Variants in CDCA5 observed in about 807,000 individuals in gnomAD.
CDCA5 encodes sororin.
In CDCA5, 14 loss-of-function variants were observed where a neutral mutation model predicts 25.7. The ratio of observed to expected loss-of-function variants is 0.54; its 90% CI spans 0.36 to 0.85. The LOEUF is 0.85. CDCA5 is among the 40% of genes least tolerant of loss of function. The pLI, the probability that CDCA5 is intolerant of heterozygous loss-of-function variation, is 0.01. For synonymous variants in CDCA5, 127 were observed against 128.7 expected (o/e 0.99, Z 0.09); for missense variants, 307 against 324.5 (o/e 0.95, Z 0.41).
In CDCA5 at chr11:65,083,495, T is replaced by C; in HGVS notation, c.197A>G (p.His66Arg). Residue 66 changes from histidine to arginine, a missense_variant, in exon 3 of 6, where the codon CAT (histidine) becomes CGT (arginine). By Grantham distance (29) the His-to-Arg change is conservative. Coordinates refer to ENST00000275517, the MANE Select transcript of CDCA5 (RefSeq NM_080668.4). Reference sequence around the variant, plus strand: ...CTCCTTAGCCTTTACCTCTACAGCATGGGCCACGATCCTCTTTAAGACGAT... The same window carrying C: ...CTCCTTAGCCTTTACCTCTACAGCACGGGCCACGATCCTCTTTAAGACGAT... ...KPIVLKRIVA[H>R]AVEVPAVQSP... The C allele has an allele frequency of 6.2e-7, 1 of 1,614,236 alleles. No homozygotes were observed. The highest frequency in any genetic ancestry group is 8.5e-7 in the Non-Finnish European group (1 of 1,180,028).
chr11:65,082,061 C>T lies in CDCA5; in HGVS notation c.243+1303G>A, dbSNP rs553064532. Among the ~76,000 whole-genome samples, 4 of 152,324 alleles carry T rather than the reference C, an allele frequency of 2.6e-5. No homozygotes were observed. In the South Asian group the frequency reaches 8.3e-4, roughly 32 times the overall value. On this transcript the variant is annotated intron_variant, in intron 4 of 5. Coordinates refer to ENST00000275517, the MANE Select transcript of CDCA5 (RefSeq NM_080668.4). Reference sequence around the variant, plus strand: ...GGGGCAATTCCCTCTGAACCCAGTACTGTATATCATCCTGGCTTTAGCTCA... The same window carrying T: ...GGGGCAATTCCCTCTGAACCCAGTATTGTATATCATCCTGGCTTTAGCTCA...
chr11:65,067,967 G>A lies in CDCA5; in HGVS notation c.269+60C>T, dbSNP rs1447813788. The A allele has an allele frequency of 3.0e-5, 34 of 1,137,348 alleles. No individual in the cohort carries two copies. The South Asian group carries it at 4.2e-4, about 14-fold the overall frequency. 70.5% of individuals were successfully genotyped at this position (1,137,348 alleles called of 1,614,324 possible). A position where few individuals can be genotyped will look rare whatever the true frequency, so the allele number is the denominator to read the frequency against. On this transcript the variant is annotated intron_variant, in intron 3 of 6. Transcript: ENST00000525464. ...CCATCCACCTCCCCCAGTTTTGTGCGTGCCTGCATGTGCCTGCATGGGCAC... is the reference window on the plus strand; with the variant it reads ...CCATCCACCTCCCCCAGTTTTGTGCATGCCTGCATGTGCCTGCATGGGCAC...
chr11:65,079,503 GTCT>G lies in CDCA5; in HGVS notation c.525_527del (p.Glu175del), dbSNP rs779028947. The G allele has an allele frequency of 1.9e-6, 3 of 1,614,164 alleles. No individual in the cohort carries two copies. The South Asian group carries it at 3.3e-5, about 18-fold the overall frequency. On this transcript the variant is annotated inframe_deletion, in exon 5 of 6. Coordinates refer to ENST00000275517, the MANE Select transcript of CDCA5 (RefSeq NM_080668.4). ...ACACCACTGGCGAGACTCCGGACAA[GTCT>G]TCTGCCCCCAGCAGCCCCTCGAAGC...
chr11:65,075,525 T>C (rs1484701810), downstream of CDCA5, among the ~76,000 whole-genome samples: 2 of 145,176 alleles, frequency 1.4e-5, no homozygotes, highest in Admixed American at 1.5e-4. Context: ...CACAGGAGGC[T>C]AGTGCAATTG....
chr11:65,082,863 C>G (rs1947601472), intron 4 of CDCA5, among the ~76,000 whole-genome samples: 1 of 151,950 alleles, frequency 6.6e-6, no homozygotes, highest in Non-Finnish European at 1.5e-5. Context: ...TCTAGTATTC[C>G]TTATTGCAGT....
chr11:65,079,891 C>A, intron 4 of CDCA5, 104 bp from the exon 5 acceptor site: 1 of 544,818 alleles, frequency 1.8e-6, no homozygotes, highest in Non-Finnish European at 2.8e-6. Context: ...AGGACACACA[C>A]TTTTTTTTTT....
Position 65,083,349 on chromosome 11 carries a change from T to C in CDCA5, c.243+15A>G. 1.2e-6 allele frequency: 2 copies of C among 1,614,032 alleles called. No homozygotes were observed. The highest frequency in any genetic ancestry group is 2.2e-5 in the South Asian group (2 of 91,078). The stretch of plus-strand genomic sequence containing the variant: ...CCCAGATTCTACTTAATTAAGTAGA[T>C]GAAAGTGAACTCACCCTAGGGCTCC... On this transcript the variant is annotated intron_variant, in intron 4 of 5. Coordinates refer to ENST00000275517, the MANE Select transcript of CDCA5 (RefSeq NM_080668.4).
chr11:65,077,139 T>G (rs1406595617), downstream of CDCA5, among the ~76,000 whole-genome samples: 1 of 152,020 alleles, frequency 6.6e-6, no homozygotes, highest in African/African-American at 2.4e-5. Context: ...ATATAAAAAT[T>G]AGCCAGGCGT....
chr11:65,069,671 A>G (rs1283310014), intron 1 of CDCA5, among the ~76,000 whole-genome samples: 1 of 152,194 alleles, frequency 6.6e-6, no homozygotes, highest in Non-Finnish European at 1.5e-5. Flanking sequence ...AAACAACTCC[A>G]AATAAAAGTA....
downstream of CDCA5, among the ~76,000 whole-genome samples, chr11:65,062,995 A>G (rs922028913): frequency 2.6e-5 from 4 of 152,152 alleles, no homozygotes; most frequent in African/African-American, 9.7e-5. Flanking sequence ...CTCAACAAGT[A>G]TTTGTAGATT....
intron 4 of CDCA5, chr11:65,067,638 C>G (rs1381546228): frequency 1.6e-6 from 2 of 1,287,134 alleles, no homozygotes; most frequent in Non-Finnish European, 1.0e-6. Flanking sequence ...CCGCTCCCAT[C>G]TGCCCGCCCA....
intron 4 of CDCA5, chr11:65,067,571 G>A: frequency 1.3e-6 from 1 of 760,262 alleles, no homozygotes; most frequent in South Asian, 1.5e-5. Context: ...CCAGCCACGT[G>A]GGCCCTGACC....
Position 65,078,904 on chromosome 11 carries a change from G to A in CDCA5, c.*203C>T, listed in dbSNP as rs779995756. ...AGAGACAGGACACCAGTGAGTGGCT[G>A]GGCCAGGCGGCCCCATTTCCTAAAA... On this transcript the variant is annotated 3_prime_UTR_variant, in exon 6 of 6. Coordinates refer to ENST00000275517, the MANE Select transcript of CDCA5 (RefSeq NM_080668.4). 2.4e-6 allele frequency: 3 copies of A among 1,255,144 alleles called. No homozygotes were observed. Among genetic ancestry groups the A allele is most frequent in the Non-Finnish European group, 3.0e-6 (3 of 1,001,538 alleles). The allele number at this position is 1,255,144 out of a possible 1,614,324, so 77.8% of individuals were successfully genotyped here. A position where few individuals can be genotyped will look rare whatever the true frequency, so the allele number is the denominator to read the frequency against.
chr11:65,066,192 T>G, downstream of CDCA5: 11 of 292,844 alleles, frequency 3.8e-5, no homozygotes, highest in Non-Finnish European at 5.2e-5. Context: ...GCTGAGGGAG[T>G]GGGGGTGATG....
downstream of CDCA5, among the ~76,000 whole-genome samples, chr11:65,061,602 G>A (rs1353536701): frequency 4.0e-5 from 6 of 151,816 alleles, no homozygotes; most frequent in African/African-American, 4.8e-5. Context: ...GTGAAAGCCC[G>A]TCTCTACTCA....
exon 2 of CDCA5, chr11:65,068,543 G>A (rs1176308840): frequency 2.1e-5 from 27 of 1,289,322 alleles, no homozygotes; most frequent in Admixed American, 4.6e-5. Flanking sequence ...CTCCTCAACA[G>A]GCTGCACCAC....
At chr11:65,079,854 G>A (rs976851552) in intron 4 of CDCA5, 67 bp from the exon 5 acceptor site, 1 of 1,275,454 alleles carries the variant, frequency 7.8e-7, no homozygotes, top group Non-Finnish European at 1.0e-6. Context: ...AGAAAAGCCC[G>A]AGAAGATTCA....
At position 65,079,560 on chromosome 11, in the gene CDCA5, G is replaced by A. The variant is rs1019005087; in HGVS notation, c.471C>T (p.Thr157=). ...SRLETLGSAS[T]STPGRRSCFG... is the part of the protein sequence containing the mutation. ...AGCAGGACCGGCGGCCTGGGGTGGA[G>A]GTAGAGGCAGAGCCCAGGGTCTCCA... Residue 157 remains threonine (T), a synonymous_variant, in exon 5 of 6, where the codon ACC becomes ACT. Coordinates refer to ENST00000275517, the MANE Select transcript of CDCA5 (RefSeq NM_080668.4). 5.0e-6 allele frequency: 8 copies of A among 1,614,016 alleles called. No homozygotes were observed. The highest frequency in any genetic ancestry group is 6.8e-6 in the Non-Finnish European group (8 of 1,180,014).
chr11:65,066,217 A>AG (rs1262144852), downstream of CDCA5: 1 of 475,816 alleles, frequency 2.1e-6, no homozygotes, highest in Non-Finnish European at 3.1e-6. Flanking sequence ...AGGGTGGCTG[A>AG]GGGGCTGAGC....
Sources: gnomAD v4.1 joint callset for allele counts (sites outside exome capture counted in the v4.1 genomes callset) on GRCh38, gnomAD v4.1.1 for gene constraint, MANE v1.5 for transcripts, NCBI Gene and HGNC (gene_info 2026-07-23, HGNC 2026-07-21) for gene names.